NRIP1: variants seen among roughly 807,000 people sequenced by gnomAD.
NRIP1 encodes nuclear receptor interacting protein 1, also known as nuclear receptor-interacting protein 1.
A neutral mutation model predicts 75.0 loss-of-function variants in NRIP1; 28 were observed. That is an observed-to-expected ratio of 0.37 (90% CI 0.28 to 0.51). The LOEUF is 0.51. Among genes scored for constraint, NRIP1 ranks in the 20% least tolerant of loss-of-function variants. The pLI is 0.92. For synonymous variants in NRIP1, 526 were observed against 487.6 expected, an observed-to-expected ratio of 1.08 and a Z score of -1.04; for missense variants, 1,435 against 1,343.7, an observed-to-expected ratio of 1.07 and a Z score of -1.06.
chr21:14,984,841 G>A (rs1384254196), intron 3 of NRIP1, among the ~76,000 whole-genome samples: 1 of 152,216 alleles, frequency 6.6e-6, no homozygotes, highest in Non-Finnish European at 1.5e-5. Flanking sequence ...CCAGAAGAAA[G>A]ATTATAGTTC....
Position 15,055,492 on chromosome 21 carries a change from CT to C in NRIP1, c.-538+9252del, listed in dbSNP as rs564018519. Reference sequence around the variant, plus strand: ...CTAGAATATTCAACAAATCCTAAGACTTTTATGAAGACCATGAGAAGAAAAT... The same window carrying C: ...CTAGAATATTCAACAAATCCTAAGACTTTATGAAGACCATGAGAAGAAAAT... On this transcript the variant is annotated intron_variant, in intron 1 of 3. Transcript: ENST00000318948. Among the ~76,000 whole-genome samples the C allele has an allele frequency of 9.2e-5, 14 of 152,258 alleles. No individual in the cohort carries two copies. The South Asian group carries it at 2.3e-3, about 25-fold the overall frequency.
chr21:14,965,605 G>T lies in NRIP1; in HGVS notation c.2588C>A (p.Thr863Asn). The change falls in exon 4 of 4, where the codon ACT (threonine) becomes AAT (asparagine). Residue 863 changes from threonine to asparagine, a missense_variant. By Grantham distance (65) the Thr-to-Asn change is moderately conservative. Transcript: ENST00000318948. ...TTTAAATGGATTTTCTAATGGCTCA[G>T]TATAAAGCTTCCTTTTCTTAGGGAC... ...CMVPKKRKLY[T>N]EPLENPFKKM... The T allele has an allele frequency of 6.2e-7, 1 of 1,613,682 alleles. No homozygotes were observed. Among genetic ancestry groups the T allele is most frequent in the Non-Finnish European group, 8.5e-7 (1 of 1,179,940 alleles).
At chr21:15,034,924 T>G (rs1233115617) in intron 2 of NRIP1, among the ~76,000 whole-genome samples, 1 of 152,226 alleles carries the variant, frequency 6.6e-6, no homozygotes, top group South Asian at 2.1e-4. Flanking sequence ...GAATTAACAA[T>G]ATTGTCCATA....
At chr21:14,993,235 C>CA (rs576010022) in intron 3 of NRIP1, among the ~76,000 whole-genome samples, 1,519 of 123,202 alleles carry the variant, frequency 0.012, 12 homozygotes, top group Admixed American at 0.021. Context: ...CAGTAATGAC[C>CA]AAAAAAAAAA....
intron 3 of NRIP1, among the ~76,000 whole-genome samples, chr21:14,982,145 C>T (rs770367157): frequency 4.6e-5 from 7 of 152,138 alleles, no homozygotes; most frequent in Non-Finnish European, 8.8e-5. Context: ...CCACGATGCT[C>T]GGTCCTAGTT....
At position 14,964,625 on chromosome 21, in the gene NRIP1, G is replaced by T; in HGVS notation, c.*91C>A. On this transcript the variant is annotated 3_prime_UTR_variant, in exon 4 of 4. Transcript: ENST00000318948. ...ATGAAAAAAGTTTCAATTATACCATGCTTTTTTTCAAATCATGCTCTTATT... is the reference window on the plus strand; with the variant it reads ...ATGAAAAAAGTTTCAATTATACCATTCTTTTTTTCAAATCATGCTCTTATT... The T allele has an allele frequency of 9.8e-7, 1 of 1,017,666 alleles. No homozygotes were observed. Among genetic ancestry groups the T allele is most frequent in the Non-Finnish European group, 1.4e-6 (1 of 717,402 alleles). The allele number at this position is 1,017,666 out of a possible 1,614,324, so 63.0% of individuals were successfully genotyped here.
chr21:15,005,936 G>A (rs2087960874), intron 3 of NRIP1, among the ~76,000 whole-genome samples: 1 of 151,938 alleles, frequency 6.6e-6, no homozygotes, highest in Non-Finnish European at 1.5e-5. Flanking sequence ...AAAACTTAAA[G>A]CTCTATTTGT....
chr21:14,972,397 T>C (rs1478809155), intron 3 of NRIP1, among the ~76,000 whole-genome samples: 10 of 152,158 alleles, frequency 6.6e-5, no homozygotes, highest in Non-Finnish European at 1.5e-4. Flanking sequence ...CCTATGGATT[T>C]AGGGTATTAA....
At chr21:14,999,144 T>C (rs111958300) in intron 3 of NRIP1, among the ~76,000 whole-genome samples, 136 of 152,106 alleles carry the variant, frequency 8.9e-4, no homozygotes, top group African/African-American at 3.2e-3. Flanking sequence ...AGCTAGTTAA[T>C]TTTTTAATTT....
Position 14,967,480 on chromosome 21 carries a change from G to C in NRIP1, c.713C>G (p.Ala238Gly), listed in dbSNP as rs2086787857. ...KVMSEPLSCAARLQAVASMVE... is the reference protein window; with the variant it reads ...KVMSEPLSCAGRLQAVASMVE... Reference sequence around the variant, plus strand: ...CATGCTTGCAACAGCCTGTAATCTTGCAGCACATGACAACGGTTCACTCAT... The same window carrying C: ...CATGCTTGCAACAGCCTGTAATCTTCCAGCACATGACAACGGTTCACTCAT... The change falls in exon 4 of 4, where the codon GCA (alanine) becomes GGA (glycine). Residue 238 changes from alanine (A) to glycine (G), a missense_variant. Transcript: ENST00000318948. The C allele has an allele frequency of 6.2e-7, 1 of 1,613,980 alleles. No homozygotes were observed. Among genetic ancestry groups the C allele is most frequent in the African/African-American group, 1.3e-5 (1 of 74,906 alleles).
chr21:14,987,583 G>A (rs549856849), intron 3 of NRIP1, among the ~76,000 whole-genome samples: 2 of 152,320 alleles, frequency 1.3e-5, no homozygotes, highest in Non-Finnish European at 1.5e-5. Flanking sequence ...CCAGTCTGTG[G>A]TGGGTGCTGC....
In NRIP1 at chr21:14,965,709, A is replaced by G; in HGVS notation, c.2484T>C (p.Asp828=). The G allele has an allele frequency of 1.2e-6, 2 of 1,613,804 alleles. No homozygotes were observed. Among genetic ancestry groups the G allele is most frequent in the Admixed American group, 1.7e-5 (1 of 59,996 alleles). Residue 828 remains aspartate, a synonymous_variant, in exon 4 of 4, where the codon GAT becomes GAC. Coordinates refer to ENST00000318948, the MANE Select transcript of NRIP1 (RefSeq NM_003489.4). ...LLSRLLRQNQ[D]SYLADDSDRS... is the part of the protein sequence containing the mutation. The stretch of plus-strand genomic sequence containing the variant: ...TGTCTGAATCATCTGCCAGGTAACT[A>G]TCTTGATTTTGTCTTAGCAATCGAC...
chr21:14,965,953 C>T lies in NRIP1; in HGVS notation c.2240G>A (p.Ser747Asn). 1 of 1,614,064 alleles carries T rather than the reference C, an allele frequency of 6.2e-7. No individual in the cohort carries two copies. Among genetic ancestry groups the T allele is most frequent in the Non-Finnish European group, 8.5e-7 (1 of 1,179,954 alleles). ...TATTTTCACCATCAGTATTTGTTCA[C>T]TTAAAGCTCTCTCTGAGTGTTCCTG... Reference protein sequence around the residue: ...STQEHSERALSEQILMVKIKS... With the variant: ...STQEHSERALNEQILMVKIKS... The change falls in exon 4 of 4, where the codon AGT becomes AAT. Residue 747 changes from serine to asparagine, a missense_variant. Transcript: ENST00000318948.
intron 3 of NRIP1, among the ~76,000 whole-genome samples, chr21:14,994,662 G>A (rs1469063117): frequency 6.6e-6 from 1 of 152,074 alleles, no homozygotes; most frequent in East Asian, 1.9e-4. Context: ...TATACAACAG[G>A]CATTTTGTGA....
chr21:15,025,569 A>G (rs1238806098), intron 2 of NRIP1, among the ~76,000 whole-genome samples: 1 of 152,196 alleles, frequency 6.6e-6, no homozygotes, highest in Non-Finnish European at 1.5e-5. Context: ...TGCATGCAAA[A>G]TAATTATTAA....
chr21:14,973,678 A>AT (rs11293384), intron 3 of NRIP1, among the ~76,000 whole-genome samples: 2,524 of 142,082 alleles, frequency 0.018, 35 homozygotes, highest in Non-Finnish European at 0.024. Flanking sequence ...AGCTCGCATA[A>AT]TTTTTTTTTT....
chr21:15,026,020 T>C (rs778134711), intron 2 of NRIP1, among the ~76,000 whole-genome samples: 1 of 152,204 alleles, frequency 6.6e-6, no homozygotes, highest in African/African-American at 2.4e-5. Context: ...TGATGATCAA[T>C]GATTTTGATG....
rs75431061 is a variant in NRIP1 at position 15,053,619 on chromosome 21, T to C, written c.-537-10045A>G. Among the ~76,000 whole-genome samples, 14 of 152,144 alleles carry C rather than the reference T, an allele frequency of 9.2e-5. No homozygotes were observed. The East Asian group carries it at 2.1e-3, about 23-fold the overall frequency. ...CACTAATGAACAATGAGGGAAAAAA[T>C]TGTTCAGGAATTCAGGATAAGTAAG... On this transcript the variant is annotated intron_variant, in intron 1 of 3. Transcript: ENST00000318948.
intron 2 of NRIP1, among the ~76,000 whole-genome samples, chr21:15,036,864 T>C (rs1373854820): frequency 1.3e-5 from 2 of 152,168 alleles, no homozygotes; most frequent in African/African-American, 4.8e-5. Context: ...CCAATGTGAA[T>C]TAAATATGAA....
Sources: allele counts gnomAD v4.1 joint callset (sites outside exome capture counted in the v4.1 genomes callset), GRCh38; gene constraint gnomAD v4.1.1; transcripts MANE v1.5; gene names NCBI Gene and HGNC (gene_info 2026-07-23, HGNC 2026-07-21).